VIPR2: variants seen among roughly 807,000 people sequenced by gnomAD.
VIPR2 encodes the protein vasoactive intestinal polypeptide receptor 2.
Under a neutral mutation model 58.0 loss-of-function variants are expected in VIPR2, and 48 were observed. That is an observed-to-expected ratio of 0.83 (90% CI 0.66 to 1.05). The LOEUF (loss-of-function observed/expected upper bound fraction) is 1.05. VIPR2 is among the 50% of genes least tolerant of loss of function. The probability of loss-of-function intolerance (pLI) is 0.00; values close to 1 mark genes in which losing one functional copy is unlikely to be tolerated. For synonymous variants in VIPR2, 243 were observed against 235.2 expected, an observed-to-expected ratio of 1.03 and a Z score of -0.30; for missense variants, 534 against 558.0, an observed-to-expected ratio of 0.96 and a Z score of 0.43.
intron 5 of VIPR2, among the ~76,000 whole-genome samples, chr7:159,055,002 G>A (rs1253988212): frequency 1.3e-5 from 2 of 152,210 alleles, no homozygotes; most frequent in Non-Finnish European, 2.9e-5. Flanking sequence ...ATGTGCATCT[G>A]TGCATGAGAT....
At chr7:159,091,158 TG>T (rs1312270427) in intron 4 of VIPR2, among the ~76,000 whole-genome samples, 1 of 152,276 alleles carries the variant, frequency 6.6e-6, no homozygotes, top group African/African-American at 2.4e-5. Context: ...GAACCTACTT[TG>T]CCCCAGGAGC....
intron 4 of VIPR2, among the ~76,000 whole-genome samples, chr7:159,075,377 T>C (rs1309633598): frequency 6.6e-6 from 1 of 152,248 alleles, no homozygotes; most frequent in Non-Finnish European, 1.5e-5. Flanking sequence ...AACTTCCTCT[T>C]TCATAGCATA....
chr7:159,045,452 A>G (rs1240312950), intron 5 of VIPR2, among the ~76,000 whole-genome samples: 1 of 152,244 alleles, frequency 6.6e-6, no homozygotes, highest in Non-Finnish European at 1.5e-5. Flanking sequence ...ATTTTTGACA[A>G]GGGTGCCAAG....
intron 2 of VIPR2, among the ~76,000 whole-genome samples, chr7:159,133,973 A>G (rs1307667963): frequency 1.3e-5 from 2 of 152,240 alleles, no homozygotes; most frequent in Non-Finnish European, 2.9e-5. Flanking sequence ...CTGAGATGAC[A>G]GGTAGTTTGA....
chr7:159,096,859 G>A lies in VIPR2; in HGVS notation c.357+6898C>T, dbSNP rs762294080. 40 of 1,542,682 alleles carry A rather than the reference G, an allele frequency of 2.6e-5. No individual in the cohort carries two copies. The highest frequency in any genetic ancestry group is 3.5e-5 in the Non-Finnish European group (40 of 1,142,506). On this transcript the variant is annotated intron_variant, in intron 4 of 12. Transcript: ENST00000262178. The surrounding 1 kb of genome is among the most constrained non-coding windows in gnomAD (Gnocchi z 5.5). ...CCTCGGGATGCTTCCGCCGTACTGT[G>A]TCCATGGCTGAGACCACCCTCTCTG...
At chr7:159,066,695 G>A (rs1489182141) in intron 4 of VIPR2, among the ~76,000 whole-genome samples, 2 of 152,260 alleles carry the variant, frequency 1.3e-5, no homozygotes, top group Non-Finnish European at 1.5e-5. Context: ...CTAGAGCTCA[G>A]TGATGATATT....
chr7:159,135,020 T>TTTTTTTTA (rs1563357339), intron 2 of VIPR2, among the ~76,000 whole-genome samples: 6 of 138,154 alleles, frequency 4.3e-5, no homozygotes, highest in African/African-American at 1.7e-4. Context: ...TTTTTTTTTT[T>TTTTTTTTA]TTTTTTTTTT....
intron 3 of VIPR2, 150 bp downstream of exon 3, chr7:159,109,662 T>C: frequency 1.4e-6 from 1 of 702,178 alleles, no homozygotes; most frequent in East Asian, 2.7e-5. Context: ...AGACGGGCAC[T>C]CACCCCAATA....
chr7:159,095,075 G>C lies in VIPR2; in HGVS notation c.357+8682C>G, dbSNP rs917508200. 2.0e-4 allele frequency among the ~76,000 whole-genome samples: 30 copies of C among 152,156 alleles called. No individual in the cohort carries two copies. The highest frequency in any genetic ancestry group is 7.2e-4 in the African/African-American group (30 of 41,440). On this transcript the variant is annotated intron_variant, in intron 4 of 12. Transcript: ENST00000262178. This position sits in a 1 kb window ranked among gnomAD's most constrained non-coding sequence, Gnocchi z 5.2. ...GGCTGAGGTCTCTGAGGGCATCACGGCCACAAAGATGGAGAGGGGCTAGGG... is the reference window on the plus strand; with the variant it reads ...GGCTGAGGTCTCTGAGGGCATCACGCCCACAAAGATGGAGAGGGGCTAGGG...
chr7:159,092,656 T>TC, intron 4 of VIPR2, among the ~76,000 whole-genome samples: 1 of 150,144 alleles, frequency 6.7e-6, no homozygotes, highest in East Asian at 2.0e-4. Context: ...TTTTCTTTTT[T>TC]TTTTTTTTTT....
rs1179100463 is a variant in VIPR2, at chr7:159,036,860, T to C, written c.640A>G (p.Met214Val). 3 of 1,613,762 alleles carry C rather than the reference T, an allele frequency of 1.9e-6. No homozygotes were observed. In the African/African-American group the frequency reaches 4.0e-5, roughly 22 times the overall value. Residue 214 changes from methionine to valine, a missense_variant, in exon 7 of 13, where the codon ATG becomes GTG. By Grantham distance (21) the Met-to-Val change is conservative (BLOSUM62 1). This residue lies in a region of VIPR2 where 4 missense variants were observed against 16.5 expected (regional missense o/e 0.24). Transcript: ENST00000262178. ...LSLVFLQYCIMANFFWLLVEG... is the reference protein window; with the variant it reads ...LSLVFLQYCIVANFFWLLVEG... ...ACCAGCAGCCAGAAGAAGTTGGCCA[T>C]GATGCAGTACTGCAGGAAGACCAGG...
intron 4 of VIPR2, among the ~76,000 whole-genome samples, chr7:159,100,980 G>A (rs998779586): frequency 4.1e-5 from 6 of 145,114 alleles, no homozygotes; most frequent in Admixed American, 6.9e-5. Flanking sequence ...GATAGTGAAC[G>A]GGTCTCACGA....
At chr7:159,046,389 G>A (rs1250403064) in intron 5 of VIPR2, among the ~76,000 whole-genome samples, 4 of 152,164 alleles carry the variant, frequency 2.6e-5, no homozygotes, top group Non-Finnish European at 5.9e-5. Flanking sequence ...ACCATAAAGA[G>A]GCATGAAGTA....
intron 2 of VIPR2, among the ~76,000 whole-genome samples, chr7:159,114,021 A>C (rs1433059238): frequency 6.6e-6 from 1 of 152,176 alleles, no homozygotes; most frequent in African/African-American, 2.4e-5. Context: ...TGCCTTTTAC[A>C]ATTTTATAAA....
chr7:159,058,377 G>A (rs1184360811), intron 5 of VIPR2, 104 bp downstream of exon 5: 1 of 879,392 alleles, frequency 1.1e-6, no homozygotes, highest in Non-Finnish European at 1.9e-6. Flanking sequence ...AGTCTTATTG[G>A]CTTAGCACAC....
intron 4 of VIPR2, among the ~76,000 whole-genome samples, chr7:159,061,238 C>T (rs1855631090): frequency 6.6e-6 from 1 of 151,516 alleles, no homozygotes; most frequent in African/African-American, 2.4e-5. Context: ...CTGTTGGGTA[C>T]TATGCTCTGT....
intron 2 of VIPR2, among the ~76,000 whole-genome samples, chr7:159,137,561 G>C (rs182639264): frequency 1.3e-5 from 2 of 152,174 alleles, no homozygotes; most frequent in East Asian, 1.9e-4. Context: ...AGTTTTTTTG[G>C]TGTCTTGCTA....
chr7:159,099,594 G>A lies in VIPR2; in HGVS notation c.357+4163C>T, dbSNP rs1278165194. On this transcript the variant is annotated intron_variant, in intron 4 of 12. Coordinates refer to ENST00000262178, the MANE Select transcript of VIPR2 (RefSeq NM_003382.5). This position sits in a 1 kb window ranked among gnomAD's most constrained non-coding sequence, Gnocchi z 4.2. ...ATAAAGGAAGGAGAGAATGAACGAC[G>A]GAGCCTGCACATACGGGGCTCTGGG... 1.3e-5 allele frequency among the ~76,000 whole-genome samples: 2 copies of A among 152,160 alleles called. No individual in the cohort carries two copies. The highest frequency in any genetic ancestry group is 2.9e-5 in the Non-Finnish European group (2 of 68,032).
At chr7:159,062,917 A>G (rs933539163) in intron 4 of VIPR2, among the ~76,000 whole-genome samples, 2 of 152,160 alleles carry the variant, frequency 1.3e-5, no homozygotes, top group Admixed American at 1.3e-4. Context: ...AGCCAGACAC[A>G]AAAGTTCTCC....
Sources: gnomAD v4.1 joint callset for allele counts (sites outside exome capture counted in the v4.1 genomes callset) on GRCh38, gnomAD v4.1.1 for gene constraint, gnomAD v4.1.1 regional missense constraint, Gnocchi (gnomAD v3.1) non-coding constraint, MANE v1.5 for transcripts, NCBI Gene and HGNC (gene_info 2026-07-23, HGNC 2026-07-21) for gene names.